The following BMPR1B variants were observed in gnomAD, a reference collection of about 807,000 sequenced individuals.
BMPR1B encodes the protein bone morphogenetic protein receptor type 1B, also known as bone morphogenetic protein receptor type-1B.
Under a neutral mutation model 59.1 loss-of-function variants are expected in BMPR1B, and 12 were observed. The observed-to-expected ratio is 0.20, with a 90% CI of 0.13 to 0.33. The LOEUF (loss-of-function observed/expected upper bound fraction) is 0.33, where lower values mean the gene tolerates loss of function less well. Ranked by LOEUF, BMPR1B falls within the 10% of genes least tolerant of loss-of-function variation. The pLI, the probability that BMPR1B is intolerant of heterozygous loss-of-function variation, is 1.00. For synonymous variants in BMPR1B, 237 were observed against 207.3 expected (o/e 1.14, Z -1.23); for missense variants, 550 against 610.9 (o/e 0.90, Z 1.05).
At chr4:95,103,020 T>C (rs915865111) in intron 3 of BMPR1B, among the ~76,000 whole-genome samples, 1 of 152,068 alleles carries the variant, frequency 6.6e-6, no homozygotes, top group Non-Finnish European at 1.5e-5. Flanking sequence ...TCAACATTTT[T>C]TTTTTCTGGA....
At chr4:94,840,864 C>G (rs1725031167) in intron 1 of BMPR1B, among the ~76,000 whole-genome samples, 1 of 147,950 alleles carries the variant, frequency 6.8e-6, no homozygotes. Context: ...TCCAGTTTTT[C>G]TGTTCTGTTT....
intron 2 of BMPR1B, among the ~76,000 whole-genome samples, chr4:94,894,090 A>G (rs1727496110): frequency 6.6e-6 from 1 of 152,052 alleles, no homozygotes; most frequent in African/African-American, 2.4e-5. Context: ...CACTGCTAAT[A>G]TTTTAGTTAC....
intron 2 of BMPR1B, among the ~76,000 whole-genome samples, chr4:94,896,712 C>T (rs892590081): frequency 1.3e-5 from 2 of 151,546 alleles, no homozygotes; most frequent in Admixed American, 1.3e-4. Context: ...TCATTTGTTC[C>T]TAAAAGTGAA....
In BMPR1B at chr4:95,123,832, C is replaced by T; in HGVS notation, c.372C>T (p.His124=). Residue 124 remains histidine (H), a synonymous_variant, in exon 7 of 13, where the codon CAC becomes CAT. Coordinates refer to ENST00000515059, the MANE Select transcript of BMPR1B (RefSeq NM_001203.3). ...CAGATTTTGTTGATGGACCTATACACCACAGGGCTTTACTTATATCTGTGA... is the reference window on the plus strand; with the variant it reads ...CAGATTTTGTTGATGGACCTATACATCACAGGGCTTTACTTATATCTGTGA... ...KNRDFVDGPI[H]HRALLISVTV... 6.2e-7 allele frequency: 1 copy of T among 1,611,150 alleles called. No individual in the cohort carries two copies. Among genetic ancestry groups the T allele is most frequent in the Non-Finnish European group, 8.5e-7 (1 of 1,178,448 alleles).
intron 4 of BMPR1B, among the ~76,000 whole-genome samples, chr4:95,111,902 A>G (rs937662866): frequency 3.9e-5 from 6 of 152,192 alleles, no homozygotes; most frequent in African/African-American, 1.2e-4. Context: ...AATCCTCTTC[A>G]AGAAAAACAA....
At chr4:94,945,695 A>G (rs1013641922) in intron 2 of BMPR1B, among the ~76,000 whole-genome samples, 1 of 152,212 alleles carries the variant, frequency 6.6e-6, no homozygotes, top group Non-Finnish European at 1.5e-5. Context: ...CTGGCCTTCC[A>G]AAGTTCTAGG....
chr4:95,120,711 CTCTCTT>C (rs1359954362), intron 6 of BMPR1B, among the ~76,000 whole-genome samples: 2 of 146,076 alleles, frequency 1.4e-5, no homozygotes, highest in East Asian at 2.0e-4. Flanking sequence ...TTCTCTCTCT[CTCTCTT>C]TCTCTCTCTC....
chr4:94,797,999 C>A (rs757689478), intron 1 of BMPR1B, among the ~76,000 whole-genome samples: 1 of 152,084 alleles, frequency 6.6e-6, no homozygotes, highest in African/African-American at 2.4e-5. Flanking sequence ...GTTTCTTCAT[C>A]GTAATAGTAT....
chr4:95,006,662 C>A (rs935518364), intron 3 of BMPR1B, among the ~76,000 whole-genome samples: 3 of 151,468 alleles, frequency 2.0e-5, no homozygotes, highest in African/African-American at 7.3e-5. Flanking sequence ...CTGCCTCAGC[C>A]TCCCCAGTAG....
chr4:95,051,404 G>T (rs540208756), intron 3 of BMPR1B, among the ~76,000 whole-genome samples: 11 of 152,146 alleles, frequency 7.2e-5, no homozygotes, highest in Non-Finnish European at 1.5e-4. Flanking sequence ...GTGAAGCCCC[G>T]GCGTGTGCTA....
chr4:94,932,515 C>G (rs1053049352), intron 2 of BMPR1B, among the ~76,000 whole-genome samples: 2 of 152,088 alleles, frequency 1.3e-5, no homozygotes, highest in African/African-American at 4.8e-5. Context: ...GAAACTATAA[C>G]TGTCAATTTG....
rs567210767 is a variant in BMPR1B at position 94,950,687 on chromosome 4, A to G, written c.-112-45353A>G. ...GCACCAGTACCATGCTGTTTTGATT[A>G]CTACAGCCCTGTAGTATAGTTTGAA... On this transcript the variant is annotated intron_variant, in intron 2 of 12. Transcript: ENST00000515059. Among the ~76,000 whole-genome samples, 333 of 152,290 alleles carry G rather than the reference A, an allele frequency of 2.2e-3. 1 individual carries two copies. Among genetic ancestry groups the G allele is most frequent in the African/African-American group, 7.9e-3 (329 of 41,560 alleles).
chr4:94,940,811 C>G (rs1049790103), intron 2 of BMPR1B, among the ~76,000 whole-genome samples: 1 of 152,138 alleles, frequency 6.6e-6, no homozygotes, highest in Non-Finnish European at 1.5e-5. Flanking sequence ...TCTCGCAGTC[C>G]TCTTCAAGGC....
intron 1 of BMPR1B, among the ~76,000 whole-genome samples, chr4:94,805,046 A>G (rs72885868): frequency 0.047 from 7,164 of 152,280 alleles, 426 homozygotes; most frequent in East Asian, 0.16. Context: ...GAGTTCTTCT[A>G]TGATCTATAA....
intron 1 of BMPR1B, among the ~76,000 whole-genome samples, chr4:94,788,342 G>C (rs1319863268): frequency 6.6e-6 from 1 of 152,144 alleles, no homozygotes; most frequent in African/African-American, 2.4e-5. Context: ...ACATACTGGG[G>C]ACAGGGAGGA....
At chr4:94,925,905 T>C (rs1337655961) in intron 2 of BMPR1B, among the ~76,000 whole-genome samples, 2 of 152,134 alleles carry the variant, frequency 1.3e-5, no homozygotes, top group Admixed American at 6.6e-5. Context: ...ATGGTAGTTT[T>C]CAGCAATCCA....
chr4:95,086,724 T>C lies in BMPR1B; in HGVS notation c.-17-17684T>C, dbSNP rs575818270. 3.1e-4 allele frequency among the ~76,000 whole-genome samples: 47 copies of C among 152,274 alleles called. 1 individual carries two copies. Among genetic ancestry groups the C allele is most frequent in the African/African-American group, 1.1e-3 (45 of 41,572 alleles). ...TTAGTCAGCATTAGTGTAATATTCCTTCAGGGAGCATTTGTAATGCCCACA... is the reference window on the plus strand; with the variant it reads ...TTAGTCAGCATTAGTGTAATATTCCCTCAGGGAGCATTTGTAATGCCCACA... On this transcript the variant is annotated intron_variant, in intron 3 of 12. Transcript: ENST00000515059.
At chr4:94,984,179 T>C (rs563676056) in intron 2 of BMPR1B, among the ~76,000 whole-genome samples, 2 of 152,228 alleles carry the variant, frequency 1.3e-5, no homozygotes, top group Non-Finnish European at 2.9e-5. Flanking sequence ...CCAACTGATA[T>C]GTGGCTTGTC....
chr4:94,983,020 G>A (rs1450835055), intron 2 of BMPR1B, among the ~76,000 whole-genome samples: 1 of 150,948 alleles, frequency 6.6e-6, no homozygotes, highest in African/African-American at 2.4e-5. Context: ...AAAAAAAATT[G>A]TCACCTGAAT....
Sources: allele counts gnomAD v4.1 joint callset (sites outside exome capture counted in the v4.1 genomes callset), GRCh38; gene constraint gnomAD v4.1.1; transcripts MANE v1.5; gene names NCBI Gene and HGNC (gene_info 2026-07-23, HGNC 2026-07-21).